TMEM132C: variants seen among roughly 807,000 people sequenced by gnomAD.
TMEM132C encodes the protein transmembrane protein 132C.
In TMEM132C, 29 loss-of-function variants were observed where a neutral mutation model predicts 61.4. The ratio of observed to expected loss-of-function variants is 0.47; its 90% CI spans 0.35 to 0.64. The LOEUF is 0.64. Among genes scored for constraint, TMEM132C ranks in the 30% least tolerant of loss-of-function variants. The pLI is 0.00. For synonymous variants in TMEM132C, 656 were observed against 633.1 expected (o/e 1.04, Z -0.54); for missense variants, 1,408 against 1,476.9 (o/e 0.95, Z 0.76).
intron 3 of TMEM132C, among the ~76,000 whole-genome samples, chr12:128,604,165 A>G (rs1331977907): frequency 6.6e-5 from 10 of 152,164 alleles, no homozygotes. Flanking sequence ...ATAGATATAG[A>G]TTTAGGTAGA....
chr12:128,363,107 A>G (rs981976269), intron 1 of TMEM132C, among the ~76,000 whole-genome samples: 2 of 152,358 alleles, frequency 1.3e-5, no homozygotes, highest in South Asian at 2.1e-4. Context: ...TGATTTACTG[A>G]CAGTACCATC....
chr12:128,685,385 C>T (rs957682067), intron 5 of TMEM132C, among the ~76,000 whole-genome samples: 3 of 152,164 alleles, frequency 2.0e-5, no homozygotes, highest in African/African-American at 4.8e-5. Flanking sequence ...GGGGCTCGGC[C>T]GGACAGCTCA....
intron 1 of TMEM132C, among the ~76,000 whole-genome samples, chr12:128,365,162 A>G (rs1873824421): frequency 6.6e-6 from 1 of 152,298 alleles, no homozygotes. Context: ...CTGGAGCCAC[A>G]CTGTCGTAAT....
chr12:128,537,097 G>A (rs1189130683), intron 2 of TMEM132C, among the ~76,000 whole-genome samples: 1 of 152,192 alleles, frequency 6.6e-6, no homozygotes, highest in African/African-American at 2.4e-5. Context: ...CCTTTCATGG[G>A]TCCCATGTGC....
chr12:128,517,193 G>A (rs1872745572), intron 2 of TMEM132C, among the ~76,000 whole-genome samples: 2 of 150,732 alleles, frequency 1.3e-5, no homozygotes, highest in Non-Finnish European at 1.5e-5. Flanking sequence ...ATCACACCAC[G>A]GCACTCCAGC....
At chr12:128,473,760 G>A (rs73422514) in intron 2 of TMEM132C, among the ~76,000 whole-genome samples, 10,846 of 151,580 alleles carry the variant, frequency 0.072, 456 homozygotes, top group Middle Eastern at 0.1. Flanking sequence ...TCATCTTCAC[G>A]TGTCTTCTGC....
intron 1 of TMEM132C, chr12:128,294,253 A>T (rs1871334658): frequency 6.5e-6 from 1 of 153,994 alleles, no homozygotes; most frequent in Admixed American, 6.5e-5. Flanking sequence ...GCAGACCAAC[A>T]GGAGCAAGGA....
At chr12:128,393,693 G>C (rs1350303062) in intron 1 of TMEM132C, among the ~76,000 whole-genome samples, 1 of 150,798 alleles carries the variant, frequency 6.6e-6, no homozygotes, top group Non-Finnish European at 1.5e-5. Context: ...GGGGGACCCA[G>C]TTCCTGCTGT....
chr12:128,365,801 C>T (rs1001350500), intron 1 of TMEM132C, among the ~76,000 whole-genome samples: 2 of 152,156 alleles, frequency 1.3e-5, no homozygotes, highest in Non-Finnish European at 2.9e-5. Context: ...ACTCCTGGGC[C>T]CCTTGAAAAC....
chr12:128,351,088 G>A (rs1873324057), intron 1 of TMEM132C, among the ~76,000 whole-genome samples: 1 of 152,142 alleles, frequency 6.6e-6, no homozygotes. Context: ...TCTTATTTAA[G>A]CCTGTGCTGT....
intron 2 of TMEM132C, among the ~76,000 whole-genome samples, chr12:128,482,328 T>A (rs1871338743): frequency 6.6e-6 from 1 of 152,180 alleles, no homozygotes; most frequent in Admixed American, 6.5e-5. Context: ...AGGGGAGTAG[T>A]GATACAGGAG....
intron 2 of TMEM132C, among the ~76,000 whole-genome samples, chr12:128,433,398 G>C (rs574330089): frequency 6.6e-6 from 1 of 152,116 alleles, no homozygotes; most frequent in East Asian, 1.9e-4. Context: ...TTCCCCTTCT[G>C]CTCCCTCCAT....
chr12:128,706,755 C>G lies in TMEM132C; in HGVS notation c.*460C>G, dbSNP rs1954843836. The G allele has an allele frequency of 6.5e-6, 1 of 153,802 alleles. No individual in the cohort carries two copies. The highest frequency in any genetic ancestry group is 2.4e-5 in the African/African-American group (1 of 41,460). The allele number at this position is 153,802 out of a possible 1,614,324, so 9.5% of individuals were successfully genotyped here. A position where few individuals can be genotyped will look rare whatever the true frequency, so the allele number is the denominator to read the frequency against. On this transcript the variant is annotated 3_prime_UTR_variant, in exon 9 of 9. Transcript: ENST00000435159. Reference sequence around the variant, plus strand: ...TCACGATTCACTTTTCCAAGGACAGCCTTCAACTGTCACCACACAGCTGGG... The same window carrying G: ...TCACGATTCACTTTTCCAAGGACAGGCTTCAACTGTCACCACACAGCTGGG...
intron 1 of TMEM132C, among the ~76,000 whole-genome samples, chr12:128,272,855 T>A (rs1017016805): frequency 6.6e-6 from 1 of 152,242 alleles, no homozygotes; most frequent in African/African-American, 2.4e-5. Flanking sequence ...TTTTTATTGA[T>A]TATTTTCCTG....
intron 1 of TMEM132C, among the ~76,000 whole-genome samples, chr12:128,375,964 G>A (rs1034956955): frequency 6.6e-6 from 1 of 152,190 alleles, no homozygotes; most frequent in Non-Finnish European, 1.5e-5. Context: ...CAGCTCATGC[G>A]GGATGTCGGA....
At chr12:128,698,006 G>A (rs1010742213) in intron 8 of TMEM132C, among the ~76,000 whole-genome samples, 39 of 152,136 alleles carry the variant, frequency 2.6e-4, no homozygotes, top group Non-Finnish European at 4.7e-4. Context: ...TGCTCACAGC[G>A]AATGGGTCTG....
At chr12:128,538,538 G>A (rs1165478522) in intron 2 of TMEM132C, among the ~76,000 whole-genome samples, 1 of 152,146 alleles carries the variant, frequency 6.6e-6, no homozygotes, top group Non-Finnish European at 1.5e-5. Context: ...ACAAGTGTGA[G>A]CCACCAAACC....
chr12:128,663,374 C>T (rs1409191166), intron 4 of TMEM132C, among the ~76,000 whole-genome samples: 1 of 152,238 alleles, frequency 6.6e-6, no homozygotes, highest in Non-Finnish European at 1.5e-5. Context: ...TTTCACCTCA[C>T]ACAACATGTT....
intron 2 of TMEM132C, among the ~76,000 whole-genome samples, chr12:128,433,992 T>C (rs1869488041): frequency 6.6e-6 from 1 of 152,226 alleles, no homozygotes; most frequent in Non-Finnish European, 1.5e-5. Context: ...TTGGGAATAT[T>C]CTTTTAGGAT....
Sources: allele counts gnomAD v4.1 joint callset (sites outside exome capture counted in the v4.1 genomes callset), GRCh38; gene constraint gnomAD v4.1.1; transcripts MANE v1.5; gene names NCBI Gene and HGNC (gene_info 2026-07-23, HGNC 2026-07-21).